PLCG2: variants seen among roughly 807,000 people sequenced by gnomAD.
PLCG2 encodes 1-phosphatidylinositol 4,5-bisphosphate phosphodiesterase gamma-2.
In PLCG2, 69 loss-of-function variants were observed where a neutral mutation model predicts 175.6. That is an observed-to-expected ratio of 0.39 (90% CI 0.32 to 0.48). PLCG2 has a LOEUF of 0.48. Ranked by LOEUF, PLCG2 falls within the 20% of genes least tolerant of loss-of-function variation. The probability of loss-of-function intolerance (pLI) is 0.91; values close to 1 mark genes in which losing one functional copy is unlikely to be tolerated. For missense variants in PLCG2, 1,798 were observed against 1,650.9 expected (o/e 1.09, Z -1.54); for synonymous variants, 827 against 624.0 (o/e 1.33, Z -4.85).
At chr16:81,857,967 C>G in intron 3 of PLCG2, 1 of 385,384 alleles carries the variant, frequency 2.6e-6, no homozygotes, top group South Asian at 5.0e-5. Flanking sequence ...TTAACAATGT[C>G]ATAGTGATAG....
At chr16:81,827,505 A>G (rs1192306381) in intron 2 of PLCG2, among the ~76,000 whole-genome samples, 1 of 151,956 alleles carries the variant, frequency 6.6e-6, no homozygotes, top group African/African-American at 2.4e-5. Flanking sequence ...TATTTCTTTA[A>G]AATCCTACTT....
intron 1 of PLCG2, among the ~76,000 whole-genome samples, chr16:81,745,803 G>A (rs894555464): frequency 1.3e-5 from 2 of 152,210 alleles, no homozygotes; most frequent in African/African-American, 4.8e-5. Context: ...AGGGGCATGG[G>A]CATGTATGTT....
intron 31 of PLCG2, among the ~76,000 whole-genome samples, chr16:81,946,690 G>A (rs913878456): frequency 1.3e-5 from 2 of 152,156 alleles, no homozygotes; most frequent in African/African-American, 2.4e-5. Context: ...CCCAAGCTGA[G>A]CATTTAGATG....
At chr16:81,812,865 AG>A (rs1271450542) in intron 2 of PLCG2, among the ~76,000 whole-genome samples, 1 of 152,170 alleles carries the variant, frequency 6.6e-6, no homozygotes, top group African/African-American at 2.4e-5. Context: ...GGTGTAAGGA[AG>A]GGGTCCAGTT....
chr16:81,770,780 C>T (rs1427692735), intron 2 of PLCG2, among the ~76,000 whole-genome samples: 8 of 151,986 alleles, frequency 5.3e-5, no homozygotes, highest in African/African-American at 4.8e-5. Context: ...CAGATCAGGC[C>T]GGGCGCGGTG....
chr16:81,918,767 CTT>C (rs1909941950), intron 19 of PLCG2, among the ~76,000 whole-genome samples: 1 of 152,076 alleles, frequency 6.6e-6, no homozygotes, highest in East Asian at 1.9e-4. Flanking sequence ...TGGCTGTAAA[CTT>C]AGGGTCAAAA....
chr16:81,838,269 T>G (rs1359447883), intron 2 of PLCG2, among the ~76,000 whole-genome samples: 1 of 152,094 alleles, frequency 6.6e-6, no homozygotes, highest in Non-Finnish European at 1.5e-5. Flanking sequence ...ATATTTTTAG[T>G]AGAGATGGGG....
chr16:81,879,171 G>A (rs757607007), intron 7 of PLCG2, among the ~76,000 whole-genome samples: 11 of 152,128 alleles, frequency 7.2e-5, no homozygotes, highest in Non-Finnish European at 1.2e-4. Flanking sequence ...TCAGTGAGGG[G>A]GGCCACACAC....
At chr16:81,793,392 T>A (rs1336333676) in intron 2 of PLCG2, among the ~76,000 whole-genome samples, 1 of 152,194 alleles carries the variant, frequency 6.6e-6, no homozygotes, top group African/African-American at 2.4e-5. Flanking sequence ...TCTTGCATCT[T>A]GTGCATTTGA....
intron 24 of PLCG2, among the ~76,000 whole-genome samples, chr16:81,929,738 T>G (rs1267800338): frequency 6.6e-6 from 1 of 152,218 alleles, no homozygotes; most frequent in African/African-American, 2.4e-5. Flanking sequence ...TTTACAATGA[T>G]CCAGCAGGAT....
chr16:81,883,242 A>T, intron 8 of PLCG2, 27 bp from the exon 9 acceptor site: 1 of 1,607,694 alleles, frequency 6.2e-7, no homozygotes, highest in African/African-American at 1.3e-5. Context: ...GTCTGTCTCT[A>T]ACTGCACCCC....
intron 2 of PLCG2, among the ~76,000 whole-genome samples, chr16:81,773,573 C>T (rs1331921845): frequency 6.6e-6 from 1 of 152,120 alleles, no homozygotes; most frequent in African/African-American, 2.4e-5. Context: ...AACTGGCTGT[C>T]TTGATTTTAC....
chr16:81,742,476 C>A (rs1909617228), intron 1 of PLCG2, among the ~76,000 whole-genome samples: 1 of 152,130 alleles, frequency 6.6e-6, no homozygotes, highest in Non-Finnish European at 1.5e-5. Flanking sequence ...GAGCCCCAGC[C>A]CCCATGCAGG....
chr16:81,779,792 G>T (rs4319763), intron 1 of PLCG2, among the ~76,000 whole-genome samples: 6 of 151,638 alleles, frequency 4.0e-5, no homozygotes, highest in Non-Finnish European at 7.4e-5. Flanking sequence ...CTCTCTTGAC[G>T]GCCCTTGTGC....
At chr16:81,875,974 G>T (rs1043152312) in intron 7 of PLCG2, among the ~76,000 whole-genome samples, 1 of 151,686 alleles carries the variant, frequency 6.6e-6, no homozygotes, top group East Asian at 1.9e-4. Context: ...GTCCACAGTG[G>T]AGAAGTTAGA....
intron 29 of PLCG2, among the ~76,000 whole-genome samples, chr16:81,939,263 G>A (rs76958413): frequency 0.042 from 6,393 of 152,242 alleles, 180 homozygotes; most frequent in Non-Finnish European, 0.062. Flanking sequence ...AACCTACGTG[G>A]CTGACCTGAC....
chr16:81,855,571 G>C (rs918063010), intron 3 of PLCG2, among the ~76,000 whole-genome samples: 2 of 152,194 alleles, frequency 1.3e-5, no homozygotes, highest in African/African-American at 4.8e-5. Context: ...TTGTGTACAT[G>C]CCAGTGAGCT....
chr16:81,888,458 C>G (rs1908477781), intron 9 of PLCG2, among the ~76,000 whole-genome samples: 1 of 152,216 alleles, frequency 6.6e-6, no homozygotes, highest in South Asian at 2.1e-4. Flanking sequence ...AACTCCTGAG[C>G]TCAGGCAGTC....
At chr16:81,850,832 A>C (rs559026869) in intron 2 of PLCG2, among the ~76,000 whole-genome samples, 27 of 152,330 alleles carry the variant, frequency 1.8e-4, no homozygotes, top group African/African-American at 6.5e-4. Flanking sequence ...GCCAAGGTGG[A>C]GGACTGGTCA....
Sources: allele counts gnomAD v4.1 joint callset (sites outside exome capture counted in the v4.1 genomes callset), GRCh38; gene constraint gnomAD v4.1.1; transcripts MANE v1.5; gene names NCBI Gene and HGNC (gene_info 2026-07-23, HGNC 2026-07-21).